Variants in CRB1 observed in about 807,000 individuals in gnomAD.
CRB1 encodes crumbs cell polarity complex component 1.
CRB1 carries 83 observed loss-of-function variants against 120.0 expected under a neutral mutation model. That is an observed-to-expected ratio of 0.69 (90% confidence interval 0.58 to 0.83). The LOEUF is 0.83. Among genes scored for constraint, CRB1 ranks in the 40% least tolerant of loss-of-function variants. The pLI, the probability that CRB1 is intolerant of heterozygous loss-of-function variation, is 0.00. For missense variants in CRB1, 1,699 were observed against 1,687.6 expected (o/e 1.01, Z -0.12); for synonymous variants, 625 against 612.5 (o/e 1.02, Z -0.30).
intron 11 of CRB1, among the ~76,000 whole-genome samples, chr1:197,473,819 C>T (rs984106976): frequency 6.0e-5 from 9 of 150,298 alleles, no homozygotes; most frequent in African/African-American, 1.2e-4. Flanking sequence ...ATCCTAGTGC[C>T]GTATATTTTA....
At chr1:197,245,698 C>T in the CRB1 span, among the ~76,000 whole-genome samples, 2 of 151,780 alleles carry the variant, frequency 1.3e-5, no homozygotes, top group Admixed American at 1.3e-4. Flanking sequence ...TGTTAAGGGT[C>T]GCCAGGTCTA....
chr1:197,421,713 A>G lies in CRB1; in HGVS notation c.1885A>G (p.Asn629Asp), dbSNP rs1214843496. 3.7e-6 allele frequency: 6 copies of G among 1,614,184 alleles called. No individual in the cohort carries two copies. The South Asian group carries it at 6.6e-5, about 18-fold the overall frequency. Residue 629 changes from asparagine to aspartate, a missense_variant, in exon 6 of 12, where the codon AAC becomes GAC. By Grantham distance (23) the Asn-to-Asp change is conservative (BLOSUM62 1). Transcript: ENST00000367400. ...GACCAGCAATGGTGTTGCTCTGCTTAACTTCTATAATATGCCATCCACACC... is the reference window on the plus strand; with the variant it reads ...GACCAGCAATGGTGTTGCTCTGCTTGACTTCTATAATATGCCATCCACACC... ...GMTSNGVALL[N>D]FYNMPSTPSF...
At chr1:197,290,551 T>A (rs1274592561) in intron 1 of CRB1, among the ~76,000 whole-genome samples, 1 of 151,516 alleles carries the variant, frequency 6.6e-6, no homozygotes, top group Admixed American at 6.6e-5. Context: ...ATGCAAGGGA[T>A]CCGTTTTTTC....
the CRB1 span, among the ~76,000 whole-genome samples, chr1:197,243,082 G>T: frequency 6.6e-6 from 1 of 151,226 alleles, no homozygotes; most frequent in Admixed American, 6.6e-5. Flanking sequence ...TCATTAGTCT[G>T]GCTAGTGGTC....
intron 11 of CRB1, among the ~76,000 whole-genome samples, chr1:197,468,411 CGG>C (rs1666840598): frequency 6.6e-6 from 1 of 151,226 alleles, no homozygotes; most frequent in Non-Finnish European, 1.5e-5. Flanking sequence ...TGAAGGCATT[CGG>C]TAATAATTTG....
At chr1:197,237,185 T>C in the CRB1 span, among the ~76,000 whole-genome samples, 3 of 152,194 alleles carry the variant, frequency 2.0e-5, no homozygotes, top group Non-Finnish European at 4.4e-5. Flanking sequence ...ATTAATTATA[T>C]TGATTACTAA....
intron 5 of CRB1, among the ~76,000 whole-genome samples, chr1:197,408,987 T>C (rs1322491326): frequency 6.6e-6 from 1 of 152,212 alleles, no homozygotes; most frequent in African/African-American, 2.4e-5. Context: ...ATGCAAGGCT[T>C]TTTGCAGCTA....
intron 11 of CRB1, among the ~76,000 whole-genome samples, chr1:197,473,225 GTC>G (rs1453525592): frequency 5.3e-5 from 8 of 152,154 alleles, no homozygotes; most frequent in Admixed American, 3.9e-4. Flanking sequence ...ATCCCTTTCT[GTC>G]TGCTTAGCAA....
the CRB1 span, among the ~76,000 whole-genome samples, chr1:197,252,570 ATATATATATATATGTGTGTGTGTGTG>A: frequency 1.9e-4 from 9 of 48,628 alleles, no homozygotes; most frequent in Admixed American, 7.7e-4. Context: ...ATATATATAT[ATATATATATATATGTGTGTGTGTGTG>A]TGTGTGTGTG....
At chr1:197,344,519 G>A (rs1260242388) in intron 3 of CRB1, 43 bp downstream of exon 3, 4 of 1,564,850 alleles carry the variant, frequency 2.6e-6, no homozygotes, top group South Asian at 2.2e-5. Flanking sequence ...AGAACTCCCT[G>A]ACCATGAACT....
intron 2 of CRB1, among the ~76,000 whole-genome samples, chr1:197,330,966 G>A (rs1393129895): frequency 6.6e-6 from 1 of 152,108 alleles, no homozygotes; most frequent in East Asian, 1.9e-4. Context: ...AGGCCGAGGC[G>A]GGAGGATCAC....
At chr1:197,231,930 T>C in the CRB1 span, among the ~76,000 whole-genome samples, 1 of 152,148 alleles carries the variant, frequency 6.6e-6, no homozygotes, top group African/African-American at 2.4e-5. Flanking sequence ...TGTGAATGTG[T>C]AACCTTCATA....
intron 1 of CRB1, among the ~76,000 whole-genome samples, chr1:197,311,402 A>C (rs1485090708): frequency 6.6e-6 from 1 of 152,212 alleles, no homozygotes; most frequent in East Asian, 1.9e-4. Flanking sequence ...CATTTGAGAG[A>C]TGTTGATCGA....
intron 11 of CRB1, among the ~76,000 whole-genome samples, chr1:197,469,296 G>A (rs562728698): frequency 1.3e-4 from 20 of 152,254 alleles, no homozygotes; most frequent in African/African-American, 2.4e-4. Context: ...TCGTTCCCAC[G>A]ACTTCCTAGT....
At chr1:197,244,841 T>C in the CRB1 span, among the ~76,000 whole-genome samples, 7 of 152,098 alleles carry the variant, frequency 4.6e-5, no homozygotes, top group African/African-American at 1.4e-4. Flanking sequence ...ACAGATTCCT[T>C]ATGCTTAGTG....
chr1:197,417,934 A>G (rs927964985), intron 5 of CRB1, among the ~76,000 whole-genome samples: 1 of 152,132 alleles, frequency 6.6e-6, no homozygotes, highest in Non-Finnish European at 1.5e-5. Context: ...ATTGCATTGA[A>G]ATTTTTGATC....
intron 1 of CRB1, among the ~76,000 whole-genome samples, chr1:197,290,226 G>A (rs1350554791): frequency 6.6e-6 from 1 of 150,838 alleles, no homozygotes; most frequent in African/African-American, 2.4e-5. Context: ...AGTAGCCAAG[G>A]ATACCACTGG....
intron 11 of CRB1, among the ~76,000 whole-genome samples, chr1:197,459,825 A>T (rs868257878): frequency 9.9e-5 from 15 of 152,054 alleles, no homozygotes; most frequent in Non-Finnish European, 7.4e-5. Context: ...AGAATTTTTT[A>T]AAATATATAA....
At chr1:197,348,827 G>T (rs866754483) in intron 4 of CRB1, among the ~76,000 whole-genome samples, 3 of 152,044 alleles carry the variant, frequency 2.0e-5, no homozygotes, top group Admixed American at 6.6e-5. Context: ...TTTAAGCTAA[G>T]CATTATTTAA....
Sources: allele counts gnomAD v4.1 joint callset (sites outside exome capture counted in the v4.1 genomes callset), GRCh38; gene constraint gnomAD v4.1.1; transcripts MANE v1.5; gene names NCBI Gene and HGNC (gene_info 2026-07-23, HGNC 2026-07-21).